Variants in GRM5 observed in about 807,000 individuals in gnomAD.
GRM5 encodes the protein glutamate metabotropic receptor 5, also known as metabotropic glutamate receptor 5.
A neutral mutation model predicts 83.1 loss-of-function variants in GRM5; 19 were observed. The ratio of observed to expected loss-of-function variants is 0.23; its 90% CI spans 0.16 to 0.34. The LOEUF is 0.34. Among genes scored for constraint, GRM5 ranks in the 10% least tolerant of loss-of-function variants. The pLI, the probability that GRM5 is intolerant of heterozygous loss-of-function variation, is 1.00. For synonymous variants in GRM5, 675 were observed against 633.6 expected, an observed-to-expected ratio of 1.07 and a Z score of -0.98; for missense variants, 1,160 against 1,588.3, an observed-to-expected ratio of 0.73 and a Z score of 4.58.
At chr11:88,565,238 G>A (rs936975483) in intron 8 of GRM5, among the ~76,000 whole-genome samples, 1 of 152,168 alleles carries the variant, frequency 6.6e-6, no homozygotes, top group Non-Finnish European at 1.5e-5. Flanking sequence ...ACTATACTGT[G>A]CTACCTTCAA....
chr11:88,760,401 C>G (rs1434954955), intron 3 of GRM5, among the ~76,000 whole-genome samples: 1 of 151,986 alleles, frequency 6.6e-6, no homozygotes. Flanking sequence ...CATAGAAATA[C>G]AAGTAACCAC....
chr11:88,570,431 C>T (rs555743011), intron 7 of GRM5, among the ~76,000 whole-genome samples: 77 of 150,502 alleles, frequency 5.1e-4, no homozygotes, highest in African/African-American at 9.5e-4. Flanking sequence ...ATCTACGTTC[C>T]CATGTGCTTC....
At chr11:88,674,566 A>C (rs1940275394) in intron 3 of GRM5, among the ~76,000 whole-genome samples, 1 of 151,872 alleles carries the variant, frequency 6.6e-6, no homozygotes, top group Admixed American at 6.6e-5. Flanking sequence ...TTTCTGCCAT[A>C]TATCTCTAAA....
intron 8 of GRM5, among the ~76,000 whole-genome samples, chr11:88,532,495 G>A (rs1942035518): frequency 6.6e-6 from 1 of 152,136 alleles, no homozygotes; most frequent in Non-Finnish European, 1.5e-5. Flanking sequence ...AAAGATGGCA[G>A]AGTTTTAGGA....
intron 2 of GRM5, among the ~76,000 whole-genome samples, chr11:88,869,350 T>C (rs1396397): frequency 0.026 from 3,970 of 151,652 alleles, 179 homozygotes; most frequent in African/African-American, 0.089. Flanking sequence ...TAATCATGGA[T>C]ATGCTTTAAT....
rs548750656 is a variant in GRM5, at chr11:88,778,004, C to T, written c.911+71902G>A. ...TCTCTTCAGAGCTGTCAGACAGGGACGTTTAAGTCTGCAGAAATTGTCTGC... is the reference window on the plus strand; with the variant it reads ...TCTCTTCAGAGCTGTCAGACAGGGATGTTTAAGTCTGCAGAAATTGTCTGC... On this transcript the variant is annotated intron_variant, in intron 3 of 9. Coordinates refer to ENST00000305447, the MANE Select transcript of GRM5 (RefSeq NM_001143831.3). Among the ~76,000 whole-genome samples, 15 of 150,194 alleles carry T rather than the reference C, an allele frequency of 1.0e-4. No homozygotes were observed. The South Asian group carries it at 1.7e-3, about 17-fold the overall frequency.
At position 88,597,170 on chromosome 11, in the gene GRM5, A is replaced by C; in HGVS notation, c.1563+14T>G. On this transcript the variant is annotated intron_variant, in intron 6 of 9. Coordinates refer to ENST00000305447, the MANE Select transcript of GRM5 (RefSeq NM_001143831.3). ...TTTACAACAAAAATGAAAGAAACAT[A>C]GATTCCATTTTACCTTGATCTGGCC... 6.7e-7 allele frequency: 1 copy of C among 1,491,248 alleles called. No individual in the cohort carries two copies. Among genetic ancestry groups the C allele is most frequent in the Non-Finnish European group, 9.0e-7 (1 of 1,108,812 alleles). 92.4% of individuals were successfully genotyped at this position (1,491,248 alleles called of 1,614,324 possible). A position where few individuals can be genotyped will look rare whatever the true frequency, so the allele number is the denominator to read the frequency against.
chr11:88,818,878 A>T (rs1943736607), intron 3 of GRM5, among the ~76,000 whole-genome samples: 1 of 152,218 alleles, frequency 6.6e-6, no homozygotes, highest in South Asian at 2.1e-4. Context: ...TTATGGTTGG[A>T]CAGAACCCCC....
chr11:88,640,169 A>C (rs1458749681), intron 4 of GRM5, among the ~76,000 whole-genome samples: 1 of 152,202 alleles, frequency 6.6e-6, no homozygotes, highest in Admixed American at 6.5e-5. Flanking sequence ...TTAAGCCAAT[A>C]GTGTCACATG....
intron 4 of GRM5, among the ~76,000 whole-genome samples, chr11:88,630,664 T>C (rs367799677): frequency 6.6e-6 from 1 of 151,964 alleles, no homozygotes; most frequent in African/African-American, 2.4e-5. Flanking sequence ...CTGCAACCTC[T>C]GCCTCGCGGG....
rs749861388 is a variant in GRM5, at chr11:88,508,810, G to T, written c.3421C>A (p.Arg1141=). The change falls in exon 10 of 10, where the codon CGG becomes AGG. Residue 1141 remains arginine (R), a synonymous_variant. Coordinates refer to ENST00000305447, the MANE Select transcript of GRM5 (RefSeq NM_001143831.3). The surrounding 1 kb of genome is among the most constrained non-coding windows in gnomAD (Gnocchi z 4.2). ...TCGGGACCGGCCGCGGGGCTCTCCC[G>T]GGCCGCGTCCCCAGCCGCCTGCGCC... ...AGAQAAGDAA[R]ESPAAGPEAA... 5.3e-6 allele frequency: 8 copies of T among 1,523,620 alleles called. No homozygotes were observed. Among genetic ancestry groups the T allele is most frequent in the Non-Finnish European group, 5.3e-6 (6 of 1,135,908 alleles). 94.4% of individuals were successfully genotyped at this position (1,523,620 alleles called of 1,614,324 possible).
intron 2 of GRM5, among the ~76,000 whole-genome samples, chr11:88,880,548 T>C (rs1305310658): frequency 4.6e-5 from 7 of 152,144 alleles, no homozygotes; most frequent in African/African-American, 2.4e-5. Context: ...GGAATACAAT[T>C]CTTTCCTCAT....
chr11:88,903,486 G>A (rs1358934365), intron 2 of GRM5, among the ~76,000 whole-genome samples: 2 of 152,078 alleles, frequency 1.3e-5, no homozygotes, highest in African/African-American at 4.8e-5. Flanking sequence ...GAAACAATAT[G>A]GAATCAACCT....
chr11:88,563,594 G>A (rs1023007162), intron 8 of GRM5, among the ~76,000 whole-genome samples: 1 of 152,098 alleles, frequency 6.6e-6, no homozygotes, highest in Middle Eastern at 3.2e-3. Context: ...GGTCGAGCAT[G>A]GTAGATGCTT....
intron 3 of GRM5, among the ~76,000 whole-genome samples, chr11:88,806,297 T>C (rs1251284805): frequency 6.6e-6 from 1 of 152,212 alleles, no homozygotes; most frequent in Non-Finnish European, 1.5e-5. Context: ...TCACAGTCTG[T>C]AGTTTCAGAA....
intron 2 of GRM5, among the ~76,000 whole-genome samples, chr11:88,989,092 C>T (rs1216884647): frequency 6.6e-6 from 1 of 151,354 alleles, no homozygotes; most frequent in Non-Finnish European, 1.5e-5. Flanking sequence ...CAAGACCCAT[C>T]AGTGTGCTGT....
chr11:88,802,734 G>A (rs1943422718), intron 3 of GRM5, among the ~76,000 whole-genome samples: 4 of 150,346 alleles, frequency 2.7e-5, no homozygotes, highest in African/African-American at 4.9e-5. Flanking sequence ...AGGAAAAGAG[G>A]AAGTCAAATT....
At chr11:89,028,948 C>A (rs995854074) in intron 2 of GRM5, among the ~76,000 whole-genome samples, 4 of 152,092 alleles carry the variant, frequency 2.6e-5, no homozygotes, top group African/African-American at 4.8e-5. Context: ...GTCCCCCACC[C>A]CCCTACGTAC....
At chr11:88,719,162 C>A (rs1941472461) in intron 3 of GRM5, among the ~76,000 whole-genome samples, 1 of 151,782 alleles carries the variant, frequency 6.6e-6, no homozygotes, top group African/African-American at 2.4e-5. Context: ...TATTTCATCA[C>A]CCAGATATTA....
Sources: gnomAD v4.1 joint callset for allele counts (sites outside exome capture counted in the v4.1 genomes callset) on GRCh38, gnomAD v4.1.1 for gene constraint, Gnocchi (gnomAD v3.1) non-coding constraint, MANE v1.5 for transcripts, NCBI Gene and HGNC (gene_info 2026-07-23, HGNC 2026-07-21) for gene names.